MC2R: variants seen among roughly 807,000 people sequenced by gnomAD.
The protein encoded by MC2R is melanocortin 2 receptor, also known as adrenocorticotropic hormone receptor.
In MC2R, 9 loss-of-function variants were observed where a neutral mutation model predicts 9.8. The ratio of observed to expected loss-of-function variants is 0.92; its 90% CI spans 0.55 to 1.60. The LOEUF is 1.60. Among genes scored for constraint, MC2R ranks in the 40% most tolerant of loss-of-function variants. The pLI is 0.00. For synonymous variants in MC2R, 185 were observed against 154.7 expected, an observed-to-expected ratio of 1.20 and a Z score of -1.45; for missense variants, 370 against 389.0, an observed-to-expected ratio of 0.95 and a Z score of 0.41.
At chr18:13,892,097 G>A (rs566433569) in intron 1 of MC2R, among the ~76,000 whole-genome samples, 1 of 152,292 alleles carries the variant, frequency 6.6e-6, no homozygotes, top group East Asian at 1.9e-4. Flanking sequence ...CCAGAGTCTG[G>A]GGTCAATTCA....
chr18:13,893,613 C>T (rs2045329655), intron 1 of MC2R, among the ~76,000 whole-genome samples: 1 of 152,192 alleles, frequency 6.6e-6, no homozygotes, highest in African/African-American at 2.4e-5. Context: ...GAGATCTCAG[C>T]CGGCCCAGCT....
At chr18:13,911,653 T>G (rs1322310399) in intron 1 of MC2R, among the ~76,000 whole-genome samples, 1 of 152,156 alleles carries the variant, frequency 6.6e-6, no homozygotes, top group Non-Finnish European at 1.5e-5. Context: ...TTCTGGACCT[T>G]GCTCTGGAGT....
chr18:13,884,420 T>C lies in MC2R; in HGVS notation c.*205A>G. 1.6e-6 allele frequency: 1 copy of C among 634,860 alleles called. No individual in the cohort carries two copies. Among genetic ancestry groups the C allele is most frequent in the East Asian group, 2.7e-5 (1 of 36,386 alleles). The allele number at this position is 634,860 out of a possible 1,614,324, so 39.3% of individuals were successfully genotyped here. ...TTCTTTTACTACATCGTTTTATCTG[T>C]CCAGTCACAAAGTTAAGAGGTTGCC... On this transcript the variant is annotated 3_prime_UTR_variant, in exon 2 of 2. Coordinates refer to ENST00000327606, the MANE Select transcript of MC2R (RefSeq NM_000529.2).
intron 1 of MC2R, among the ~76,000 whole-genome samples, chr18:13,899,417 A>C (rs886616105): frequency 2.6e-5 from 4 of 152,194 alleles, no homozygotes; most frequent in African/African-American, 9.6e-5. Context: ...CTTAAAGAGG[A>C]GATAGAGAAA....
At chr18:13,890,729 T>C (rs552149138) in intron 1 of MC2R, among the ~76,000 whole-genome samples, 1 of 152,328 alleles carries the variant, frequency 6.6e-6, no homozygotes, top group African/African-American at 2.4e-5. Context: ...TATGTATGAA[T>C]AGTACAAAGG....
At chr18:13,905,110 A>G (rs2045405092) in intron 1 of MC2R, among the ~76,000 whole-genome samples, 1 of 152,228 alleles carries the variant, frequency 6.6e-6, no homozygotes, top group Admixed American at 6.5e-5. Flanking sequence ...AACCTACAGA[A>G]TAGGATAAAT....
intron 1 of MC2R, among the ~76,000 whole-genome samples, chr18:13,893,349 G>A (rs768298170): frequency 3.9e-5 from 6 of 152,192 alleles, no homozygotes; most frequent in Non-Finnish European, 8.8e-5. Flanking sequence ...TTTTACCACT[G>A]TGCCTTTTGG....
At chr18:13,897,746 GACA>G (rs1367372384) in intron 1 of MC2R, among the ~76,000 whole-genome samples, 2 of 152,040 alleles carry the variant, frequency 1.3e-5, no homozygotes, top group African/African-American at 2.4e-5. Context: ...CTAAATCCTG[GACA>G]ACATTTCTAG....
intron 1 of MC2R, among the ~76,000 whole-genome samples, chr18:13,901,707 C>T (rs1015325473): frequency 2.0e-5 from 3 of 151,932 alleles, no homozygotes; most frequent in Non-Finnish European, 4.4e-5. Flanking sequence ...CTGAACAGAC[C>T]AATAACAAAT....
At chr18:13,907,437 G>A (rs535820527) in intron 1 of MC2R, among the ~76,000 whole-genome samples, 70 of 152,284 alleles carry the variant, frequency 4.6e-4, no homozygotes, top group African/African-American at 1.7e-3. Flanking sequence ...AAACATTGTG[G>A]AAATGCTTCA....
rs2045270461 is a variant in MC2R, at chr18:13,885,464, A to G, written c.55T>C (p.Ser19Pro). The G allele has an allele frequency of 9.3e-6, 15 of 1,614,116 alleles. No individual in the cohort carries two copies. Among genetic ancestry groups the G allele is most frequent in the Non-Finnish European group, 1.3e-5 (15 of 1,180,030 alleles). The change falls in exon 2 of 2, where the codon TCC (serine) becomes CCC (proline). Residue 19 changes from serine (S) to proline (P), a missense_variant. Coordinates refer to ENST00000327606, the MANE Select transcript of MC2R (RefSeq NM_000529.2). ...GGCAAAACCACACGAGGACAGTCGGAATTATTTCTTGCTGTGTTGTTGATG... is the reference window on the plus strand; with the variant it reads ...GGCAAAACCACACGAGGACAGTCGGGATTATTTCTTGCTGTGTTGTTGATG... ...ENINNTARNN[S>P]DCPRVVLPEE...
intron 1 of MC2R, among the ~76,000 whole-genome samples, chr18:13,910,523 G>A (rs2045438567): frequency 6.6e-6 from 1 of 152,168 alleles, no homozygotes; most frequent in Admixed American, 6.5e-5. Context: ...TTGATCAAGT[G>A]GAGAAGATTA....
At position 13,906,433 on chromosome 18, in the gene MC2R, G is replaced by T. The variant is rs139112319; in HGVS notation, c.-129+9055C>A. Among the ~76,000 whole-genome samples, 940 of 152,172 alleles carry T rather than the reference G, an allele frequency of 6.2e-3. 14 individuals are homozygous for T. The highest frequency in any genetic ancestry group is 0.021 in the African/African-American group (890 of 41,536). On this transcript the variant is annotated intron_variant, in intron 1 of 1. Coordinates refer to ENST00000327606, the MANE Select transcript of MC2R (RefSeq NM_000529.2). ...AACACACACCAGGGCCTGTTGGGGG[G>T]TGGGAGGTGAGGGGAGGGAACTTAG... is the stretch of plus-strand genomic sequence containing the variant.
At chr18:13,888,312 C>A (rs80210380) in intron 1 of MC2R, among the ~76,000 whole-genome samples, 1 of 152,104 alleles carries the variant, frequency 6.6e-6, no homozygotes, top group Non-Finnish European at 1.5e-5. Context: ...TGCTACTGCA[C>A]GTTTGTGGAT....
intron 1 of MC2R, among the ~76,000 whole-genome samples, chr18:13,902,214 AC>A (rs1483827639): frequency 6.6e-6 from 1 of 152,170 alleles, no homozygotes; most frequent in African/African-American, 2.4e-5. Context: ...TTATAATAAA[AC>A]CATCAAAAAA....
intron 1 of MC2R, among the ~76,000 whole-genome samples, chr18:13,887,729 G>T (rs192226746): frequency 4.9e-4 from 74 of 152,314 alleles, no homozygotes; most frequent in Non-Finnish European, 9.6e-4. Flanking sequence ...CTGACTGCCT[G>T]ATGGAGACAC....
At chr18:13,891,096 G>A (rs2045313206) in intron 1 of MC2R, among the ~76,000 whole-genome samples, 1 of 152,340 alleles carries the variant, frequency 6.6e-6, no homozygotes, top group Non-Finnish European at 1.5e-5. Context: ...AAACTGGGCT[G>A]TCAACTCTTT....
Position 13,883,642 on chromosome 18 carries a change from C to CTG in MC2R, c.*982_*983insCA, listed in dbSNP as rs1567894826. 4 of 151,706 alleles carry CTG rather than the reference C, an allele frequency of 2.6e-5. No homozygotes were observed. Among genetic ancestry groups the CTG allele is most frequent in the African/African-American group, 9.7e-5 (4 of 41,080 alleles). The allele number at this position is 151,706 out of a possible 1,614,324, so 9.4% of individuals were successfully genotyped here. A position where few individuals can be genotyped will look rare whatever the true frequency, so the allele number is the denominator to read the frequency against. On this transcript the variant is annotated 3_prime_UTR_variant, in exon 2 of 2. Coordinates refer to ENST00000327606, the MANE Select transcript of MC2R (RefSeq NM_000529.2). The stretch of plus-strand genomic sequence containing the variant: ...ACACACACACACTCTCTCTCTCTCT[C>CTG]TCTCTCTCTCTCTCTGTCTGTCTCT...
Position 13,890,674 on chromosome 18 carries a change from T to C in MC2R, c.-128-5028A>G, listed in dbSNP as rs191719032. ...ATTTTTATGTCACTCGTTGCATAAGTTGTACGGCCCAATACACTTATGTCT... is the reference window on the plus strand; with the variant it reads ...ATTTTTATGTCACTCGTTGCATAAGCTGTACGGCCCAATACACTTATGTCT... On this transcript the variant is annotated intron_variant, in intron 1 of 1. Transcript: ENST00000327606. Among the ~76,000 whole-genome samples, 1,017 of 152,290 alleles carry C rather than the reference T, an allele frequency of 6.7e-3. 44 individuals are homozygous for C. Among genetic ancestry groups the C allele is most frequent in the Admixed American group, 0.061 (937 of 15,294 alleles).
Sources: allele counts gnomAD v4.1 joint callset (sites outside exome capture counted in the v4.1 genomes callset), GRCh38; gene constraint gnomAD v4.1.1; transcripts MANE v1.5; gene names NCBI Gene and HGNC (gene_info 2026-07-23, HGNC 2026-07-21).